Variants in UTRN observed in about 807,000 individuals in gnomAD.
The protein encoded by UTRN is utrophin, also known as dystrophin-related protein 1.
Under a neutral mutation model 463.9 loss-of-function variants are expected in UTRN, and 283 were observed. That is an observed-to-expected ratio of 0.61 (90% CI 0.55 to 0.67). The LOEUF is 0.67. UTRN is among the 30% of genes least tolerant of loss of function. The pLI, the probability that UTRN is intolerant of heterozygous loss-of-function variation, is 0.00. For synonymous variants in UTRN, 1,442 were observed against 1,431.5 expected (o/e 1.01, Z -0.17); for missense variants, 3,922 against 4,084.3 (o/e 0.96, Z 1.08).
intron 7 of UTRN, among the ~76,000 whole-genome samples, chr6:144,427,251 A>G (rs893407580): frequency 7.9e-5 from 12 of 152,174 alleles, no homozygotes; most frequent in Non-Finnish European, 1.5e-4. Flanking sequence ...AAAAAAAAAT[A>G]ATAATTTCTA....
chr6:144,654,983 T>C (rs1050063961), intron 51 of UTRN, among the ~76,000 whole-genome samples: 1 of 151,242 alleles, frequency 6.6e-6, no homozygotes, highest in African/African-American at 2.4e-5. Flanking sequence ...AATCTTTTGG[T>C]TATGTGTTAT....
At chr6:144,544,598 A>G (rs1798239839) in intron 46 of UTRN, among the ~76,000 whole-genome samples, 2 of 152,188 alleles carry the variant, frequency 1.3e-5, no homozygotes, top group East Asian at 1.9e-4. Context: ...ATGACTATTC[A>G]TTTCAAATAA....
At position 144,501,400 on chromosome 6, in the gene UTRN, C is replaced by CA. The variant is rs1423112551; in HGVS notation, c.4764+1980dup. ...TGAATGAAATTTGCCTAGTGTAATA[C>CA]AAAAAAACAGGAGCAAAAATCACCT... On this transcript the variant is annotated intron_variant, in intron 34 of 74. Coordinates refer to ENST00000367545, the MANE Select transcript of UTRN (RefSeq NM_007124.3). Among the ~76,000 whole-genome samples the CA allele has an allele frequency of 4.0e-5, 6 of 151,866 alleles. No homozygotes were observed. In the South Asian group the frequency reaches 8.3e-4, roughly 21 times the overall value.
At chr6:144,827,451 ACT>A in intron 67 of UTRN, 65 bp downstream of exon 67, 1 of 1,608,900 alleles carries the variant, frequency 6.2e-7, no homozygotes, top group East Asian at 2.2e-5. Context: ...TGGGGGTCTT[ACT>A]AAACTCTTGG....
intron 25 of UTRN, among the ~76,000 whole-genome samples, chr6:144,477,384 G>T (rs562959919): frequency 6.6e-6 from 1 of 152,154 alleles, no homozygotes; most frequent in African/African-American, 2.4e-5. Context: ...TTTGCTTTGT[G>T]TTTATTGTTT....
chr6:144,423,688 T>C, intron 5 of UTRN, 62 bp downstream of exon 5: 1 of 1,561,258 alleles, frequency 6.4e-7, no homozygotes, highest in South Asian at 1.1e-5. Flanking sequence ...ATTGTGAAAC[T>C]CACCAACTGC....
intron 53 of UTRN, among the ~76,000 whole-genome samples, chr6:144,719,447 C>A (rs964360736): frequency 6.6e-6 from 1 of 152,060 alleles, no homozygotes; most frequent in Non-Finnish European, 1.5e-5. Context: ...CGTGGTGACA[C>A]CTGCCTGTAA....
intron 53 of UTRN, chr6:144,708,449 C>T (rs562070220): frequency 8.1e-6 from 5 of 619,830 alleles, no homozygotes; most frequent in Admixed American, 4.6e-5. Context: ...TCTGACTCCT[C>T]GGGCCTCTGA....
At chr6:144,680,944 A>G (rs1260857399) in intron 52 of UTRN, among the ~76,000 whole-genome samples, 2 of 152,216 alleles carry the variant, frequency 1.3e-5, no homozygotes, top group Admixed American at 6.5e-5. Context: ...ATGCACACCT[A>G]TGTGTAACCA....
At chr6:144,846,029 G>A (rs1430129371) in intron 73 of UTRN, among the ~76,000 whole-genome samples, 2 of 151,980 alleles carry the variant, frequency 1.3e-5, no homozygotes, top group African/African-American at 4.8e-5. Flanking sequence ...GCCATTACTG[G>A]GGGACAGATC....
chr6:144,809,422 T>C (rs1245630646), intron 65 of UTRN, among the ~76,000 whole-genome samples: 1 of 152,106 alleles, frequency 6.6e-6, no homozygotes, highest in Non-Finnish European at 1.5e-5. Context: ...TTCCAAGGTG[T>C]TAATGATACT....
chr6:144,775,898 A>G (rs1050757631), intron 60 of UTRN, among the ~76,000 whole-genome samples: 11 of 152,216 alleles, frequency 7.2e-5, no homozygotes, highest in African/African-American at 2.7e-4. Context: ...CTCAAACCTG[A>G]GAGGAACAGA....
intron 54 of UTRN, among the ~76,000 whole-genome samples, chr6:144,742,264 A>G (rs896488007): frequency 3.9e-5 from 6 of 152,170 alleles, no homozygotes; most frequent in Non-Finnish European, 5.9e-5. Flanking sequence ...TAGAAGCACT[A>G]ATCAGCCGTG....
At chr6:144,425,755 C>T (rs1288974663) in intron 6 of UTRN, among the ~76,000 whole-genome samples, 1 of 152,006 alleles carries the variant, frequency 6.6e-6, no homozygotes, top group Non-Finnish European at 1.5e-5. Context: ...TAAATTGGCT[C>T]CTGTGTCCCT....
At chr6:144,397,763 T>G (rs144673241) in intron 2 of UTRN, among the ~76,000 whole-genome samples, 3 of 152,310 alleles carry the variant, frequency 2.0e-5, no homozygotes, top group African/African-American at 7.2e-5. Context: ...CTTCTTTCCA[T>G]TAAATTATCT....
chr6:144,290,459 C>T (rs1329827358), intron 1 of UTRN, among the ~76,000 whole-genome samples: 3 of 152,158 alleles, frequency 2.0e-5, no homozygotes, highest in African/African-American at 7.2e-5. Context: ...AGAAGATTCA[C>T]GTTCAACATC....
chr6:144,705,686 T>C (rs1562794055), intron 53 of UTRN, among the ~76,000 whole-genome samples: 1 of 152,184 alleles, frequency 6.6e-6, no homozygotes, highest in African/African-American at 2.4e-5. Context: ...ACATTCAAAC[T>C]GTAGCAAGTA....
chr6:144,485,111 A>C (rs1208364928), intron 27 of UTRN, among the ~76,000 whole-genome samples: 6 of 151,760 alleles, frequency 4.0e-5, no homozygotes, highest in Non-Finnish European at 7.4e-5. Context: ...TTTTTAGTAG[A>C]GACAGGGTTT....
intron 54 of UTRN, among the ~76,000 whole-genome samples, chr6:144,736,192 A>G (rs1363456316): frequency 6.6e-6 from 1 of 152,222 alleles, no homozygotes; most frequent in Non-Finnish European, 1.5e-5. Context: ...GTTGTTTACC[A>G]TGACTTATGT....
Sources: allele counts gnomAD v4.1 joint callset (sites outside exome capture counted in the v4.1 genomes callset), GRCh38; gene constraint gnomAD v4.1.1; transcripts MANE v1.5; gene names NCBI Gene and HGNC (gene_info 2026-07-23, HGNC 2026-07-21).